Variants in LINGO2 observed in about 807,000 individuals in gnomAD.
LINGO2 encodes leucine rich repeat and Ig domain containing 2.
In LINGO2, 14 loss-of-function variants were observed where a neutral mutation model predicts 30.6. The ratio of observed to expected loss-of-function variants is 0.46; its 90% confidence interval spans 0.30 to 0.72. LINGO2 has a LOEUF of 0.72. LINGO2 is among the 30% of genes least tolerant of loss of function. The pLI, the probability that LINGO2 is intolerant of heterozygous loss-of-function variation, is 0.07. For missense variants in LINGO2, 729 were observed against 751.7 expected (o/e 0.97, Z 0.35); for synonymous variants, 317 against 288.5 (o/e 1.10, Z -1.00).
In LINGO2 at chr9:28,607,032, C is replaced by T. The variant is rs535580251; in HGVS notation, c.-365+63168G>A. On this transcript the variant is annotated intron_variant, in intron 1 of 5. Coordinates refer to ENST00000379992, the Ensembl canonical transcript of LINGO2. ...GCAAATCAATTGAAACATTCAGTAA[C>T]GTCTTTAAAATATCCGAAGGAAATG... Among the ~76,000 whole-genome samples, 25 of 152,056 alleles carry T rather than the reference C, an allele frequency of 1.6e-4. No homozygotes were observed. The South Asian group carries it at 5.0e-3, about 30-fold the overall frequency.
At chr9:28,097,617 T>C (rs943548630) in intron 4 of LINGO2, among the ~76,000 whole-genome samples, 1 of 133,772 alleles carries the variant, frequency 7.5e-6, no homozygotes, top group African/African-American at 2.8e-5. Flanking sequence ...TTCTCACTCA[T>C]AGGTGGGAAT....
the LINGO2 span, among the ~76,000 whole-genome samples, chr9:28,777,452 C>T: frequency 6.6e-6 from 1 of 152,132 alleles, no homozygotes; most frequent in Non-Finnish European, 1.5e-5. Context: ...GCTGGAGCAA[C>T]AGCTCAAGTG....
the LINGO2 span, among the ~76,000 whole-genome samples, chr9:28,946,625 A>G: frequency 6.6e-6 from 1 of 152,144 alleles, no homozygotes; most frequent in South Asian, 2.1e-4. Context: ...GTGAAACCAT[A>G]CATTGAAACC....
chr9:28,981,924 G>T, the LINGO2 span, among the ~76,000 whole-genome samples: 1 of 152,090 alleles, frequency 6.6e-6, no homozygotes, highest in African/African-American at 2.4e-5. Context: ...AAACCCAGAT[G>T]TGATTCTGCC....
At chr9:28,600,756 G>A (rs972072359) in intron 1 of LINGO2, among the ~76,000 whole-genome samples, 9 of 152,090 alleles carry the variant, frequency 5.9e-5, no homozygotes, top group African/African-American at 2.2e-4. Flanking sequence ...GCTAAATACA[G>A]CCTTTTGAAC....
At chr9:28,885,259 G>T in the LINGO2 span, among the ~76,000 whole-genome samples, 1 of 147,488 alleles carries the variant, frequency 6.8e-6, no homozygotes, top group African/African-American at 2.5e-5. Context: ...TTGCCCCATG[G>T]GTGCAGTGTG....
At chr9:29,133,065 A>G in the LINGO2 span, among the ~76,000 whole-genome samples, 2 of 152,098 alleles carry the variant, frequency 1.3e-5, no homozygotes, top group African/African-American at 4.8e-5. Flanking sequence ...GTAGCCTCCT[A>G]CCTGGGGTTT....
the LINGO2 span, among the ~76,000 whole-genome samples, chr9:28,888,397 T>C: frequency 6.6e-6 from 1 of 152,070 alleles, no homozygotes; most frequent in African/African-American, 2.4e-5. Flanking sequence ...AAGTTGATGT[T>C]ACACATGAAC....
At chr9:28,714,893 G>T in the LINGO2 span, among the ~76,000 whole-genome samples, 4 of 152,088 alleles carry the variant, frequency 2.6e-5, no homozygotes, top group Admixed American at 2.0e-4. Context: ...GTTCTGTAAT[G>T]TTACTCATCC....
At chr9:28,607,931 C>A (rs1027939522) in intron 1 of LINGO2, among the ~76,000 whole-genome samples, 9 of 152,078 alleles carry the variant, frequency 5.9e-5, no homozygotes, top group African/African-American at 2.2e-4. Flanking sequence ...GCCTAGAAAT[C>A]TTAGAAGATA....
chr9:29,134,023 A>C, the LINGO2 span, among the ~76,000 whole-genome samples: 5 of 152,160 alleles, frequency 3.3e-5, no homozygotes, highest in African/African-American at 1.2e-4. Flanking sequence ...TAATAGCTTT[A>C]ATCTCTATAG....
intron 4 of LINGO2, among the ~76,000 whole-genome samples, chr9:28,105,209 G>T (rs1273454311): frequency 6.6e-6 from 1 of 152,130 alleles, no homozygotes; most frequent in African/African-American, 2.4e-5. Context: ...TGAAACACCA[G>T]GGGGTGGTTT....
chr9:28,383,505 T>C (rs1293029823), intron 2 of LINGO2, among the ~76,000 whole-genome samples: 2 of 151,680 alleles, frequency 1.3e-5, no homozygotes, highest in South Asian at 2.1e-4. Flanking sequence ...TTCTAGAGAG[T>C]GGGCAGTCAA....
chr9:28,380,100 C>A (rs1821286898), intron 2 of LINGO2, among the ~76,000 whole-genome samples: 2 of 151,996 alleles, frequency 1.3e-5, no homozygotes, highest in African/African-American at 4.8e-5. Context: ...ACACAGATGC[C>A]ACACATATTT....
rs1216095281 is a variant in LINGO2 at position 28,506,487 on chromosome 9, TACACACACACACACAG to T, written c.-364-30478_-364-30463del. ...ATACACACACACACACACATACACATACACACACACACACAGACATATATATATATATATAAACTGT... is the reference window on the plus strand; with the variant it reads ...ATACACACACACACACACATACACATACATATATATATATATATAAACTGT... On this transcript the variant is annotated intron_variant, in intron 1 of 5. Transcript: ENST00000379992. 2.0e-4 allele frequency among the ~76,000 whole-genome samples: 8 copies of T among 40,444 alleles called. 1 individual carries two copies. Among genetic ancestry groups the T allele is most frequent in the African/African-American group, 3.4e-4 (5 of 14,842 alleles). 26.5% of individuals were successfully genotyped at this position (40,444 alleles called of 152,430 possible).
At chr9:28,336,687 T>A (rs922997290) in intron 3 of LINGO2, among the ~76,000 whole-genome samples, 1 of 152,158 alleles carries the variant, frequency 6.6e-6, no homozygotes, top group Non-Finnish European at 1.5e-5. Context: ...GAACTACTTT[T>A]GCACCTTTGC....
At chr9:27,945,082 C>G (rs1027014720), downstream of LINGO2, among the ~76,000 whole-genome samples, 39 of 152,168 alleles carry the variant, frequency 2.6e-4, no homozygotes, top group African/African-American at 8.4e-4. Context: ...CCTAGAAACC[C>G]TCAAGACATA....
chr9:29,019,937 G>T, the LINGO2 span, among the ~76,000 whole-genome samples: 43 of 152,200 alleles, frequency 2.8e-4, no homozygotes, highest in African/African-American at 9.6e-4. Context: ...CAGTGGATTT[G>T]CTGGGATGAT....
At chr9:28,551,070 C>T (rs1822254681) in intron 1 of LINGO2, among the ~76,000 whole-genome samples, 1 of 151,852 alleles carries the variant, frequency 6.6e-6, no homozygotes, top group Non-Finnish European at 1.5e-5. Context: ...CCACACATTT[C>T]TGTAGATTAA....
Sources: allele counts gnomAD v4.1 joint callset (sites outside exome capture counted in the v4.1 genomes callset), GRCh38; gene constraint gnomAD v4.1.1; transcripts MANE v1.5; gene names NCBI Gene and HGNC (gene_info 2026-07-23, HGNC 2026-07-21).